Variants in PASK observed in about 807,000 individuals in gnomAD.
PASK encodes the protein PAS domain containing serine/threonine kinase.
In PASK, 110 loss-of-function variants were observed where a neutral mutation model predicts 121.0. The observed-to-expected ratio is 0.91, with a 90% CI of 0.78 to 1.06. PASK has a LOEUF of 1.06. Ranked by LOEUF, PASK falls within the 50% of genes least tolerant of loss-of-function variation. The pLI, the probability that PASK is intolerant of heterozygous loss-of-function variation, is 0.00. For synonymous variants in PASK, 686 were observed against 717.8 expected (o/e 0.96, Z 0.71); for missense variants, 1,643 against 1,702.3 (o/e 0.97, Z 0.61).
chr2:241,114,249 C>G (rs529477080), intron 14 of PASK: 270 of 985,260 alleles, frequency 2.7e-4, no homozygotes, highest in Non-Finnish European at 3.2e-4. Context: ...GCCTGAGAAA[C>G]TAAACTTCGG....
chr2:241,148,487 T>G (rs2067085741), intron 1 of PASK, among the ~76,000 whole-genome samples: 2 of 151,752 alleles, frequency 1.3e-5, no homozygotes, highest in Non-Finnish European at 2.9e-5. Context: ...CCAAGCAGAG[T>G]GAAGAAGTCT....
At chr2:241,116,569 ACT>A (rs2065378938) in intron 12 of PASK, among the ~76,000 whole-genome samples, 1 of 152,148 alleles carries the variant, frequency 6.6e-6, no homozygotes, top group Non-Finnish European at 1.5e-5. Context: ...AAAAGCTATC[ACT>A]CTTAGACATG....
At chr2:241,145,244 G>T (rs917833017) in intron 1 of PASK, among the ~76,000 whole-genome samples, 1 of 152,062 alleles carries the variant, frequency 6.6e-6, no homozygotes, top group East Asian at 1.9e-4. Context: ...ATCTTCACAT[G>T]GCCATCTTTT....
intron 1 of PASK, among the ~76,000 whole-genome samples, chr2:241,146,073 C>A (rs73011858): frequency 0.017 from 2,514 of 152,196 alleles, 28 homozygotes; most frequent in Non-Finnish European, 0.026. Context: ...TCCAGAATAG[C>A]TTTAAAAGAT....
intron 2 of PASK, among the ~76,000 whole-genome samples, chr2:241,141,212 A>C (rs1047561205): frequency 2.0e-5 from 3 of 152,200 alleles, no homozygotes; most frequent in Non-Finnish European, 4.4e-5. Flanking sequence ...GCCTGAGCCC[A>C]GGAGTTTGAG....
Position 241,135,976 on chromosome 2 carries a change from G to A in PASK, c.1201C>T (p.Gln401Ter). 1 of 1,613,876 alleles carries A rather than the reference G, an allele frequency of 6.2e-7. No individual in the cohort carries two copies. The highest frequency in any genetic ancestry group is 1.1e-5 in the South Asian group (1 of 91,072). The change falls in exon 8 of 18, where the codon CAG becomes TAG. Residue 401 changes from glutamine (Q) to a stop codon, truncating the protein, a stop_gained. Transcript: ENST00000234040. LOFTEE classifies it high-confidence loss of function. The part of the protein sequence containing the change: ...YMDLAYNSSL[Q>*]LPDLASCLDV... The stretch of plus-strand genomic sequence containing the variant: ...AGGCAGCTGGCCAGGTCTGGGAGCT[G>A]TAATGAGCTGTTGTACGCAAGGTCC...
chr2:241,115,425 A>T lies in PASK; in HGVS notation c.3073-12T>A. On this transcript the variant is annotated splice_polypyrimidine_tract_variant and intron_variant, in intron 12 of 17. Coordinates refer to ENST00000234040, the MANE Select transcript of PASK (RefSeq NM_015148.4). Reference sequence around the variant, plus strand: ...AACTTCACCACCACCTGTGAGGAAGACAGAGCGTAGTGGAAATAGCTGGAG... The same window carrying T: ...AACTTCACCACCACCTGTGAGGAAGTCAGAGCGTAGTGGAAATAGCTGGAG... 1 of 1,613,732 alleles carries T rather than the reference A, an allele frequency of 6.2e-7. No homozygotes were observed. Among genetic ancestry groups the T allele is most frequent in the African/African-American group, 1.3e-5 (1 of 74,918 alleles).
chr2:241,126,344 G>A lies in PASK; in HGVS notation c.2571C>T (p.Asp857=), dbSNP rs201783480. The change falls in exon 10 of 18, where the codon GAC becomes GAT. Residue 857 remains aspartate, a synonymous_variant. Transcript: ENST00000234040. The stretch of plus-strand genomic sequence containing the variant: ...TTGGCTCCTCTGCTGATGGGCACGT[G>A]TCCTCAGGGCCAGCATCCAACGTGG... The part of the protein sequence containing the change: ...VPSTLDAGPE[D]TCPSAEEPRL... 1.0e-4 allele frequency: 162 copies of A among 1,614,218 alleles called. No individual in the cohort carries two copies. The South Asian group carries it at 1.7e-3, about 17-fold the overall frequency.
In PASK at chr2:241,145,373, G is replaced by A. The variant is rs139035727; in HGVS notation, c.-42-2299C>T. On this transcript the variant is annotated intron_variant, in intron 1 of 17. Coordinates refer to ENST00000234040, the MANE Select transcript of PASK (RefSeq NM_015148.4). ...GTCTCGTGGCCTGCACCTATAGTCC[G>A]AGCCACTCTAGAAGCTAAGGCAGGA... Among the ~76,000 whole-genome samples the A allele has an allele frequency of 1.3e-3, 194 of 152,152 alleles. 1 individual carries two copies. Among genetic ancestry groups the A allele is most frequent in the African/African-American group, 4.2e-3 (175 of 41,514 alleles).
intron 12 of PASK, among the ~76,000 whole-genome samples, chr2:241,118,234 CA>C (rs2065457274): frequency 6.7e-6 from 1 of 149,234 alleles, no homozygotes; most frequent in Non-Finnish European, 1.5e-5. Context: ...AAAAAAAACA[CA>C]AAGTTGAAGG....
At chr2:241,150,325 G>GAGGCCAGGC, upstream of PASK, 1 of 1,323,934 alleles carries the variant, frequency 7.6e-7, no homozygotes, top group Non-Finnish European at 9.7e-7. Flanking sequence ...GGCGCGGCGC[G>GAGGCCAGGC]CGGCCTCATG....
chr2:241,144,432 A>G (rs2066857640), intron 1 of PASK, among the ~76,000 whole-genome samples: 1 of 152,172 alleles, frequency 6.6e-6, no homozygotes, highest in African/African-American at 2.4e-5. Context: ...TACCAGAACC[A>G]TGGCTGGAGT....
Position 241,137,038 on chromosome 2 carries a change from A to G in PASK, c.1103T>C (p.Leu368Pro). 1.2e-6 allele frequency: 2 copies of G among 1,613,580 alleles called. No homozygotes were observed. Among genetic ancestry groups the G allele is most frequent in the South Asian group, 1.1e-5 (1 of 91,086 alleles). ...GAGCTCCGTCTTTCCGTAACCAAAC[A>G]GTGTCAGCGCGAAGCTGTGGTTGAT... ...HGINHSFALTLFGYGKTELLG... is the reference protein window; with the variant it reads ...HGINHSFALTPFGYGKTELLG... Residue 368 changes from leucine to proline, a missense_variant, in exon 7 of 18, where the codon CTG becomes CCG. This residue lies in a region of PASK where 1,176 missense variants were observed against 1,162.2 expected (regional missense o/e 1.01). Transcript: ENST00000234040.
At chr2:241,123,099 T>A (rs1351031365) in intron 11 of PASK, among the ~76,000 whole-genome samples, 200 bp from the exon 12 acceptor site, 2 of 151,450 alleles carry the variant, frequency 1.3e-5, no homozygotes, top group Non-Finnish European at 1.5e-5. Flanking sequence ...AGCACACTGA[T>A]CCCAACTGGC....
intron 1 of PASK, among the ~76,000 whole-genome samples, chr2:241,148,782 G>C (rs993137616): frequency 6.6e-6 from 1 of 152,186 alleles, no homozygotes; most frequent in Non-Finnish European, 1.5e-5. Context: ...GGTAGCAGCA[G>C]AAAGATGAAG....
intron 9 of PASK, among the ~76,000 whole-genome samples, chr2:241,129,373 G>A (rs2066022667): frequency 6.6e-6 from 1 of 152,154 alleles, no homozygotes; most frequent in Non-Finnish European, 1.5e-5. Flanking sequence ...TGGGCCAGAT[G>A]TGTTTGGGGA....
chr2:241,140,700 T>A lies in PASK; in HGVS notation c.250A>T (p.Thr84Ser), dbSNP rs375444737. 1 of 1,613,996 alleles carries A rather than the reference T, an allele frequency of 6.2e-7. No homozygotes were observed. The highest frequency in any genetic ancestry group is 1.3e-5 in the African/African-American group (1 of 74,926). Residue 84 changes from threonine to serine, a missense_variant, in exon 3 of 18, where the codon ACA (threonine) becomes TCA (serine). This residue lies in a region of PASK where 1,176 missense variants were observed against 1,162.2 expected (regional missense o/e 1.01). Transcript: ENST00000234040. ...LSSLAAQNIC[T>S]SKLHCPAAPE... ...GCAGCAGGGCAGTGCAGTTTACTTGTACAAATATTCTGGGCAGCCAGTGAT... is the reference window on the plus strand; with the variant it reads ...GCAGCAGGGCAGTGCAGTTTACTTGAACAAATATTCTGGGCAGCCAGTGAT...
chr2:241,147,341 G>A (rs1341962592), intron 1 of PASK, among the ~76,000 whole-genome samples: 3 of 152,128 alleles, frequency 2.0e-5, no homozygotes, highest in Non-Finnish European at 2.9e-5. Flanking sequence ...CAATGTCAAT[G>A]TTACAAAACT....
At chr2:241,137,317 A>G (rs375973718) in intron 6 of PASK, 53 bp from the exon 7 acceptor site, 2 of 1,515,984 alleles carry the variant, frequency 1.3e-6, no homozygotes, top group South Asian at 2.2e-5. Flanking sequence ...TGGACAGAGC[A>G]CTGAGTCTGT....
Sources: allele counts gnomAD v4.1 joint callset (sites outside exome capture counted in the v4.1 genomes callset), GRCh38; gene constraint gnomAD v4.1.1; regional missense constraint gnomAD v4.1.1; transcripts MANE v1.5; gene names NCBI Gene and HGNC (gene_info 2026-07-23, HGNC 2026-07-21).